The following BMP1 variants were observed in gnomAD, a reference collection of about 807,000 sequenced individuals.
BMP1 encodes the protein bone morphogenetic protein 1.
A neutral mutation model predicts 116.8 loss-of-function variants in BMP1; 63 were observed. The ratio of observed to expected loss-of-function variants is 0.54; its 90% CI spans 0.44 to 0.67. The LOEUF (loss-of-function observed/expected upper bound fraction) is 0.67, where lower values mean the gene tolerates loss of function less well. Among genes scored for constraint, BMP1 ranks in the 30% least tolerant of loss-of-function variants. The probability of loss-of-function intolerance (pLI) is 0.00; values close to 1 mark genes in which losing one functional copy is unlikely to be tolerated. For missense variants in BMP1, 1,183 were observed against 1,358.9 expected, an observed-to-expected ratio of 0.87 and a Z score of 2.04; for synonymous variants, 536 against 533.4, an observed-to-expected ratio of 1.00 and a Z score of -0.07.
At chr8:22,171,328 A>T (rs1438199104) in intron 1 of BMP1, 1 of 152,190 alleles carries the variant, frequency 6.6e-6, no homozygotes, top group Non-Finnish European at 1.5e-5. Flanking sequence ...AGAGTTTCTA[A>T]TGCTCTGCAA....
In BMP1 at chr8:22,196,076, G is replaced by A. The variant is rs985522552; in HGVS notation, c.1765+489G>A. 3.7e-5 allele frequency: 15 copies of A among 410,178 alleles called. No homozygotes were observed. In the East Asian group the frequency reaches 7.0e-4, roughly 19 times the overall value. The allele number at this position is 410,178 out of a possible 1,614,324, so 25.4% of individuals were successfully genotyped here. A position where few individuals can be genotyped will look rare whatever the true frequency, so the allele number is the denominator to read the frequency against. On this transcript the variant is annotated intron_variant, in intron 13 of 19. Coordinates refer to ENST00000306385, the MANE Select transcript of BMP1 (RefSeq NM_006129.5). ...AGAACACACTGTCCCCCCGTAGGCC[G>A]CATTCTGGCTTTGGGTTTGTTTTGT...
chr8:22,204,797 G>A (rs953313484), intron 16 of BMP1, among the ~76,000 whole-genome samples: 6 of 146,676 alleles, frequency 4.1e-5, no homozygotes, highest in African/African-American at 1.5e-4. Context: ...AAGTCAGATT[G>A]CCGTGGATTG....
rs1829473904 is a variant in BMP1, at chr8:22,212,122, C to T, written c.*394C>T. The T allele has an allele frequency of 5.2e-6, 1 of 190,864 alleles. No individual in the cohort carries two copies. The highest frequency in any genetic ancestry group is 5.3e-5 in the Admixed American group (1 of 18,994). 11.8% of individuals were successfully genotyped at this position (190,864 alleles called of 1,614,324 possible). ...GTAATGTTCATTTCCCACCCCTGCT[C>T]CAGCCTCGATTTGGTTTTATTTTGA... On this transcript the variant is annotated 3_prime_UTR_variant, in exon 20 of 20. Coordinates refer to ENST00000306385, the MANE Select transcript of BMP1 (RefSeq NM_006129.5).
chr8:22,177,556 C>T (rs1042535077), intron 5 of BMP1: 3 of 735,806 alleles, frequency 4.1e-6, no homozygotes, highest in Non-Finnish European at 7.5e-6. Context: ...CGCCTCCTCC[C>T]TCTCTCCCAG....
chr8:22,177,370 C>A (rs1475163304), intron 5 of BMP1, among the ~76,000 whole-genome samples: 1 of 152,232 alleles, frequency 6.6e-6, no homozygotes, highest in African/African-American at 2.4e-5. Context: ...TGGGCCAGGT[C>A]CTGGTCCTGG....
In BMP1 at chr8:22,176,626, T is replaced by C; in HGVS notation, c.527T>C (p.Ile176Thr). 1 of 1,614,152 alleles carries C rather than the reference T, an allele frequency of 6.2e-7. No individual in the cohort carries two copies. Residue 176 changes from isoleucine to threonine, a missense_variant, in exon 4 of 20, where the codon ATT becomes ACT. By Grantham distance (89) the Ile-to-Thr change is moderately conservative (BLOSUM62 -1). Coordinates refer to ENST00000306385, the MANE Select transcript of BMP1 (RefSeq NM_006129.5). Reference sequence around the variant, plus strand: ...GAGCGCACTGACGAGGACAGCTATATTGTGTTCACCTATCGACCTTGCGGG... The same window carrying C: ...GAGCGCACTGACGAGGACAGCTATACTGTGTTCACCTATCGACCTTGCGGG... ...FLERTDEDSY[I>T]VFTYRPCGCC... is the part of the protein sequence containing the mutation.
intron 2 of BMP1, among the ~76,000 whole-genome samples, chr8:22,175,547 T>C (rs773948743): frequency 4.6e-5 from 7 of 152,256 alleles, no homozygotes; most frequent in Non-Finnish European, 1.0e-4. Context: ...TTCAAGCCTC[T>C]GGTCACAACA....
chr8:22,177,370 C>T (rs1475163304), intron 5 of BMP1, among the ~76,000 whole-genome samples: 1 of 152,232 alleles, frequency 6.6e-6, no homozygotes, highest in Admixed American at 6.5e-5. Context: ...TGGGCCAGGT[C>T]CTGGTCCTGG....
intron 8 of BMP1, among the ~76,000 whole-genome samples, chr8:22,188,353 A>G (rs1228798837): frequency 1.3e-5 from 2 of 152,020 alleles, no homozygotes; most frequent in Non-Finnish European, 2.9e-5. Context: ...ATTTTTTTGT[A>G]GAGATGGGGT....
chr8:22,171,567 G>T (rs980502632), intron 1 of BMP1: 1 of 152,256 alleles, frequency 6.6e-6, no homozygotes, highest in Non-Finnish European at 1.5e-5. Flanking sequence ...GTGACTGTGT[G>T]TGTATTTTGT....
At chr8:22,207,156 G>T in intron 17 of BMP1, 147 bp from the exon 18 acceptor site, 1 of 1,378,394 alleles carries the variant, frequency 7.3e-7, no homozygotes, top group Non-Finnish European at 1.0e-6. Flanking sequence ...CCCTGCCTTC[G>T]CCCTATTCCT....
rs1829126019 is a variant in BMP1 at position 22,197,439 on chromosome 8, G to C, written c.2107+19G>C. ...TTCTCAGGTATCCCTGGACTGCCCAGCTCCTAGCCCCACCTCTCCTCGGAG... is the reference window on the plus strand; with the variant it reads ...TTCTCAGGTATCCCTGGACTGCCCACCTCCTAGCCCCACCTCTCCTCGGAG... On this transcript the variant is annotated intron_variant, in intron 15 of 19. Transcript: ENST00000306385. 1 of 1,588,862 alleles carries C rather than the reference G, an allele frequency of 6.3e-7. No individual in the cohort carries two copies. Among genetic ancestry groups the C allele is most frequent in the South Asian group, 1.1e-5 (1 of 89,878 alleles).
chr8:22,169,058 A>G (rs1208660088), intron 1 of BMP1, among the ~76,000 whole-genome samples: 2 of 152,110 alleles, frequency 1.3e-5, no homozygotes, highest in Admixed American at 1.3e-4. Context: ...AGTCCCAGCT[A>G]CTTGGGAGGC....
At chr8:22,165,926 T>TGTGTGTGTGTGTGTG (rs56227111) in intron 1 of BMP1, among the ~76,000 whole-genome samples, 61 of 149,548 alleles carry the variant, frequency 4.1e-4, no homozygotes, top group Admixed American at 7.3e-4. Context: ...TGTGTGTGTG[T>TGTGTGTGTGTGTGTG]TCTTTCCCCT....
At chr8:22,168,469 G>A (rs1828180234) in intron 1 of BMP1, among the ~76,000 whole-genome samples, 2 of 152,148 alleles carry the variant, frequency 1.3e-5, no homozygotes. Context: ...GACCCCACAG[G>A]GGTGGGGCTA....
intron 16 of BMP1, among the ~76,000 whole-genome samples, chr8:22,203,865 T>C (rs1263699126): frequency 1.3e-5 from 2 of 152,176 alleles, no homozygotes; most frequent in East Asian, 1.9e-4. Context: ...TCTGTCTCTG[T>C]ACTCCCCTGT....
At chr8:22,192,024 C>T (rs559736255) in intron 8 of BMP1, 25 bp from the exon 9 acceptor site, 2 of 1,590,886 alleles carry the variant, frequency 1.3e-6, no homozygotes, top group African/African-American at 2.7e-5. Flanking sequence ...GACAGCTTAA[C>T]CCTCTTCCTC....
chr8:22,211,710 A>C lies in BMP1; in HGVS notation c.2943A>C (p.Thr981=). The part of the protein sequence containing the change: ...LRYTSTKFQD[T]LHSRK ...ACACCAGCACCAAGTTCCAGGACAC[A>C]CTCCACAGCAGGAAGTGACCACTGC... The change falls in exon 20 of 20, where the codon ACA becomes ACC. Residue 981 remains threonine (T), a synonymous_variant. Coordinates refer to ENST00000306385, the MANE Select transcript of BMP1 (RefSeq NM_006129.5). 1 of 1,613,770 alleles carries C rather than the reference A, an allele frequency of 6.2e-7. No homozygotes were observed. Among genetic ancestry groups the C allele is most frequent in the South Asian group, 1.1e-5 (1 of 91,070 alleles).
intron 12 of BMP1, 107 bp from the exon 13 acceptor site, chr8:22,195,355 A>G (rs1050306337): frequency 7.8e-6 from 11 of 1,411,174 alleles, no homozygotes; most frequent in African/African-American, 1.5e-5. Flanking sequence ...GGTTCCAGCC[A>G]TCGGGGAGCT....
Sources: gnomAD v4.1 joint callset for allele counts (sites outside exome capture counted in the v4.1 genomes callset) on GRCh38, gnomAD v4.1.1 for gene constraint, MANE v1.5 for transcripts, NCBI Gene and HGNC (gene_info 2026-07-23, HGNC 2026-07-21) for gene names.